The following MTR variants were observed in gnomAD, a reference collection of about 807,000 sequenced individuals.
MTR encodes methionine synthase.
In MTR, 84 loss-of-function variants were observed where a neutral mutation model predicts 154.8. The ratio of observed to expected loss-of-function variants is 0.54; its 90% CI spans 0.45 to 0.65. The LOEUF is 0.65. Ranked by LOEUF, MTR falls within the 30% of genes least tolerant of loss-of-function variation. The probability of loss-of-function intolerance (pLI) is 0.00; values close to 1 mark genes in which losing one functional copy is unlikely to be tolerated. For missense variants in MTR, 1,275 were observed against 1,570.2 expected (o/e 0.81, Z 3.18); for synonymous variants, 554 against 553.9 (o/e 1.00, Z 0.00).
chr1:236,896,027 C>T (rs1208119237), intron 31 of MTR, among the ~76,000 whole-genome samples: 1 of 152,200 alleles, frequency 6.6e-6, no homozygotes, highest in Admixed American at 6.5e-5. Flanking sequence ...CTGTTAGTAA[C>T]ATTTATATTC....
chr1:236,844,320 T>G (rs987854298), intron 15 of MTR, among the ~76,000 whole-genome samples: 4 of 151,984 alleles, frequency 2.6e-5, no homozygotes, highest in African/African-American at 9.7e-5. Flanking sequence ...GATGAAAACT[T>G]TATTGGAGTG....
intron 14 of MTR, among the ~76,000 whole-genome samples, chr1:236,836,148 A>G (rs1441715449): frequency 6.6e-6 from 1 of 152,216 alleles, no homozygotes; most frequent in East Asian, 1.9e-4. Context: ...TTGTTCTTCA[A>G]AAGGTGAAAA....
chr1:236,796,036 G>T (rs910694779), intron 1 of MTR, among the ~76,000 whole-genome samples: 3 of 151,150 alleles, frequency 2.0e-5, no homozygotes, highest in Admixed American at 6.6e-5. Context: ...CCAGTTCCAC[G>T]CAGCATAAAC....
At chr1:236,850,664 G>A (rs1217500802) in intron 16 of MTR, 141 bp downstream of exon 16, 4 of 834,106 alleles carry the variant, frequency 4.8e-6, no homozygotes, top group East Asian at 2.7e-5. Context: ...CTGAAATGTA[G>A]GAGACCTTAT....
In MTR at chr1:236,849,090, G is replaced by A. The variant is rs567541516; in HGVS notation, c.1516-1254G>A. Among the ~76,000 whole-genome samples the A allele has an allele frequency of 2.0e-5, 3 of 152,292 alleles. No individual in the cohort carries two copies. The East Asian group carries it at 5.8e-4, about 29-fold the overall frequency. On this transcript the variant is annotated intron_variant, in intron 15 of 32. Transcript: ENST00000366577. ...GATAGCAAGTAATCATTTTTTAAGA[G>A]TAGATTTGATTTTTCATACAACCAG...
chr1:236,857,839 G>T (rs1341343785), intron 18 of MTR, among the ~76,000 whole-genome samples: 4 of 152,206 alleles, frequency 2.6e-5, no homozygotes, highest in Non-Finnish European at 5.9e-5. Context: ...CTTCCCAGGG[G>T]AAGTGATAGG....
intron 8 of MTR, among the ~76,000 whole-genome samples, chr1:236,822,353 A>G (rs1481815104): frequency 7.2e-6 from 1 of 138,102 alleles, no homozygotes; most frequent in Non-Finnish European, 1.5e-5. Context: ...TGTGTCACTC[A>G]GGCTGGAGTG....
At chr1:236,879,495 GGGA>G (rs933578148) in intron 24 of MTR, among the ~76,000 whole-genome samples, 1 of 152,188 alleles carries the variant, frequency 6.6e-6, no homozygotes, top group Non-Finnish European at 1.5e-5. Flanking sequence ...GCTACTTCTG[GGGA>G]GGAGGAGAGA....
intron 24 of MTR, among the ~76,000 whole-genome samples, chr1:236,878,036 C>T (rs901076766): frequency 6.6e-6 from 1 of 152,030 alleles, no homozygotes; most frequent in Non-Finnish European, 1.5e-5. Flanking sequence ...CTGCTTTATT[C>T]TTATTGGTTT....
intron 15 of MTR, 41 bp downstream of exon 15, chr1:236,838,640 G>A (rs2103167666): frequency 6.2e-7 from 1 of 1,610,418 alleles, no homozygotes; most frequent in Non-Finnish European, 8.5e-7. Context: ...TGTTTCCCAG[G>A]TTAGATAGTG....
At chr1:236,897,310 G>GCGCGCGCGCGCGCGCGCGCGCGCA in intron 32 of MTR, among the ~76,000 whole-genome samples, 192 bp downstream of exon 32, 2 of 128,612 alleles carry the variant, frequency 1.6e-5, no homozygotes, top group Non-Finnish European at 3.4e-5. Context: ...CCACACACAC[G>GCGCGCGCGCGCGCGCGCGCGCGCA]CACACACACA....
At chr1:236,857,654 AC>A (rs1664282180) in intron 18 of MTR, among the ~76,000 whole-genome samples, 1 of 152,198 alleles carries the variant, frequency 6.6e-6, no homozygotes, top group African/African-American at 2.4e-5. Flanking sequence ...AGAGGATCTA[AC>A]TAGTAAGAGA....
chr1:236,855,043 A>T (rs989893298), intron 18 of MTR, among the ~76,000 whole-genome samples: 2 of 152,196 alleles, frequency 1.3e-5, no homozygotes, highest in Admixed American at 6.5e-5. Context: ...GGGAATTAAT[A>T]ACCAAAACAG....
intron 22 of MTR, among the ~76,000 whole-genome samples, chr1:236,872,668 A>G (rs947971057): frequency 2.0e-5 from 3 of 152,150 alleles, no homozygotes; most frequent in African/African-American, 7.2e-5. Context: ...TAGTGCTTTC[A>G]TGATAGAGTT....
At chr1:236,817,561 T>A (rs1356543849) in intron 8 of MTR, among the ~76,000 whole-genome samples, 1 of 152,162 alleles carries the variant, frequency 6.6e-6, no homozygotes, top group African/African-American at 2.4e-5. Flanking sequence ...TGAGGGTAGG[T>A]ACTGGTATTA....
At chr1:236,874,485 C>T (rs938814331) in intron 23 of MTR, among the ~76,000 whole-genome samples, 19 of 151,572 alleles carry the variant, frequency 1.3e-4, no homozygotes, top group Admixed American at 5.3e-4. Context: ...GCAGGAGAAT[C>T]GCTTGAACCC....
At chr1:236,876,317 C>T (rs1363020515) in intron 24 of MTR, among the ~76,000 whole-genome samples, 2 of 152,106 alleles carry the variant, frequency 1.3e-5, no homozygotes, top group African/African-American at 2.4e-5. Flanking sequence ...CGTTGCTTAA[C>T]GTTAGAAAAC....
chr1:236,806,465 A>G (rs956335835), intron 3 of MTR, among the ~76,000 whole-genome samples: 7 of 152,240 alleles, frequency 4.6e-5, no homozygotes, highest in Non-Finnish European at 7.3e-5. Context: ...TATAAATGAT[A>G]CTTAATTATG....
intron 8 of MTR, chr1:236,820,537 C>T (rs1572210292): frequency 4.1e-6 from 3 of 740,110 alleles, no homozygotes; most frequent in East Asian, 5.2e-5. Context: ...CTTACCTGGG[C>T]TGTTAAGTAA....
Sources: allele counts gnomAD v4.1 joint callset (sites outside exome capture counted in the v4.1 genomes callset), GRCh38; gene constraint gnomAD v4.1.1; transcripts MANE v1.5; gene names NCBI Gene and HGNC (gene_info 2026-07-23, HGNC 2026-07-21).